ERMP1: variants seen among roughly 807,000 people sequenced by gnomAD.
The protein encoded by ERMP1 is endoplasmic reticulum metallopeptidase 1, also known as Felix-ina.
A neutral mutation model predicts 92.0 loss-of-function variants in ERMP1; 86 were observed. The ratio of observed to expected loss-of-function variants is 0.93; its 90% CI spans 0.79 to 1.12. The LOEUF is 1.12. Among genes scored for constraint, ERMP1 ranks in the 50% most tolerant of loss-of-function variants. The probability of loss-of-function intolerance (pLI) is 0.00; values close to 1 mark genes in which losing one functional copy is unlikely to be tolerated. For synonymous variants in ERMP1, 530 were observed against 412.8 expected (o/e 1.28, Z -3.44); for missense variants, 1,342 against 1,116.3 (o/e 1.20, Z -2.88).
intron 13 of ERMP1, among the ~76,000 whole-genome samples, chr9:5,792,755 T>G (rs556772888): frequency 2.0e-5 from 3 of 152,312 alleles, no homozygotes; most frequent in African/African-American, 7.2e-5. Flanking sequence ...TGCACTACCA[T>G]GAAGCAGTAC....
chr9:5,807,770 G>A (rs1828924519), intron 8 of ERMP1, among the ~76,000 whole-genome samples: 1 of 151,686 alleles, frequency 6.6e-6, no homozygotes, highest in South Asian at 2.1e-4. Flanking sequence ...AAAAAAAACG[G>A]AAACAATTCA....
intron 2 of ERMP1, among the ~76,000 whole-genome samples, chr9:5,829,548 A>C (rs1030658830): frequency 6.6e-6 from 1 of 152,224 alleles, no homozygotes; most frequent in Non-Finnish European, 1.5e-5. Context: ...CGTTTTACTT[A>C]TTTTTAATCC....
chr9:5,846,499 T>C (rs1391244982), intron 6 of ERMP1, among the ~76,000 whole-genome samples: 1 of 152,204 alleles, frequency 6.6e-6, no homozygotes, highest in Non-Finnish European at 1.5e-5. Flanking sequence ...GGGAAGCTGT[T>C]TGTAGCTGCC....
At chr9:5,788,875 G>A (rs540035546) in intron 13 of ERMP1, among the ~76,000 whole-genome samples, 4 of 152,080 alleles carry the variant, frequency 2.6e-5, no homozygotes, top group African/African-American at 9.6e-5. Flanking sequence ...GGAGGAAAAA[G>A]GCAAAATTAC....
At chr9:5,818,408 A>C (rs1237344732) in intron 4 of ERMP1, among the ~76,000 whole-genome samples, 1 of 152,178 alleles carries the variant, frequency 6.6e-6, no homozygotes, top group Non-Finnish European at 1.5e-5. Flanking sequence ...GGTATTTCCA[A>C]TTTTCTACTC....
intron 6 of ERMP1, among the ~76,000 whole-genome samples, chr9:5,850,721 A>G (rs1347999148): frequency 6.6e-6 from 1 of 152,184 alleles, no homozygotes; most frequent in Non-Finnish European, 1.5e-5. Context: ...CAATTGTATA[A>G]TTTTGGAAAA....
chr9:5,791,611 A>AAAACACCTCACAAGC lies in ERMP1; in HGVS notation c.2387-4033_2387-4019dup, dbSNP rs548099455. Among the ~76,000 whole-genome samples the AAAACACCTCACAAGC allele has an allele frequency of 5.7e-3, 868 of 152,298 alleles. 9 individuals are homozygous for AAAACACCTCACAAGC. The highest frequency in any genetic ancestry group is 0.019 in the African/African-American group (788 of 41,556). ...GACCATCCTGGTTTGCTCACTTTTTAAAACACCTCACAAGCAAACAAACTC... is the reference window on the plus strand; with the variant it reads ...GACCATCCTGGTTTGCTCACTTTTTAAAACACCTCACAAGCAAACACCTCACAAGCAAACAAACTC... On this transcript the variant is annotated intron_variant, in intron 13 of 14. Transcript: ENST00000339450.
rs1461431019 is a variant in ERMP1 at position 5,785,167 on chromosome 9, A to G, written c.*1977T>C. 1 of 152,188 alleles carries G rather than the reference A, an allele frequency of 6.6e-6. No individual in the cohort carries two copies. The highest frequency in any genetic ancestry group is 1.5e-5 in the Non-Finnish European group (1 of 68,036). The allele number at this position is 152,188 out of a possible 1,614,324, so 9.4% of individuals were successfully genotyped here. A position where few individuals can be genotyped will look rare whatever the true frequency, so the allele number is the denominator to read the frequency against. ...CATAATGCTAAAGAAAACCAAAACA[A>G]AAGACAATGGTTTACACAGGGAAAT... is the stretch of plus-strand genomic sequence containing the variant. On this transcript the variant is annotated 3_prime_UTR_variant, in exon 15 of 15. Coordinates refer to ENST00000339450, the MANE Select transcript of ERMP1 (RefSeq NM_024896.3).
intron 13 of ERMP1, among the ~76,000 whole-genome samples, chr9:5,793,500 G>A (rs1828288258): frequency 1.3e-5 from 2 of 152,124 alleles, no homozygotes; most frequent in African/African-American, 4.8e-5. Context: ...TTAAAAGACA[G>A]AGCGTCAGGG....
rs1828558296 is a variant in ERMP1 at position 5,798,947 on chromosome 9, C to T, written c.2129G>A (p.Trp710Ter). ...GNAVKRDSGIWINGFDYTGIS... is the reference protein window; with the variant it reads ...GNAVKRDSGI The stretch of plus-strand genomic sequence containing the variant: ...TCCAGTATAATCAAACCCATTGATC[C>T]ATATTCCAGAGTCCCGTTTAACTGC... The change falls in exon 12 of 15, where the codon TGG (tryptophan) becomes TAG (stop). Residue 710 changes from tryptophan (W) to a stop codon, truncating the protein, a stop_gained. Transcript: ENST00000339450. LOFTEE classifies it high-confidence loss of function. The T allele has an allele frequency of 1.2e-6, 2 of 1,613,418 alleles. No individual in the cohort carries two copies. Among genetic ancestry groups the T allele is most frequent in the Admixed American group, 1.7e-5 (1 of 60,012 alleles).
intron 4 of ERMP1, among the ~76,000 whole-genome samples, chr9:5,823,064 C>T (rs1465205631): frequency 2.0e-5 from 3 of 152,098 alleles, no homozygotes; most frequent in Admixed American, 1.3e-4. Context: ...GCAGGAGGAC[C>T]ACTTGAGCCC....
intron 13 of ERMP1, among the ~76,000 whole-genome samples, chr9:5,797,115 ACCT>A (rs1221098999): frequency 6.6e-6 from 1 of 151,648 alleles, no homozygotes; most frequent in Non-Finnish European, 1.5e-5. Context: ...ATCAGCCTTG[ACCT>A]CCTGGGCTCA....
chr9:5,785,642 G>A lies in ERMP1; in HGVS notation c.*1502C>T, dbSNP rs897414600. 1.3e-5 allele frequency: 2 copies of A among 152,808 alleles called. No homozygotes were observed. The highest frequency in any genetic ancestry group is 1.9e-4 in the East Asian group (1 of 5,190). The allele number at this position is 152,808 out of a possible 1,614,324, so 9.5% of individuals were successfully genotyped here. ...TTTAAAAAGCACATCATACACATGA[G>A]ACAAGCAGCTTCAAGGACGTTTTCT... On this transcript the variant is annotated 3_prime_UTR_variant, in exon 15 of 15. Transcript: ENST00000339450.
At chr9:5,802,118 G>C (rs1318184227) in intron 10 of ERMP1, among the ~76,000 whole-genome samples, 1 of 152,174 alleles carries the variant, frequency 6.6e-6, no homozygotes, top group Admixed American at 6.5e-5. Context: ...TAAATATTGT[G>C]AATACTGAGA....
intron 4 of ERMP1, among the ~76,000 whole-genome samples, chr9:5,822,692 T>C (rs917445656): frequency 4.6e-5 from 7 of 152,176 alleles, no homozygotes; most frequent in Admixed American, 1.3e-4. Flanking sequence ...ATAAAATGCA[T>C]TACCCAAATT....
chr9:5,788,323 T>G (rs1198554141), intron 13 of ERMP1, among the ~76,000 whole-genome samples: 1 of 152,102 alleles, frequency 6.6e-6, no homozygotes, highest in African/African-American at 2.4e-5. Context: ...AATACTACTA[T>G]AGTGTCCAGT....
At chr9:5,839,357 G>A (rs534226996) in intron 6 of ERMP1, among the ~76,000 whole-genome samples, 2 of 152,280 alleles carry the variant, frequency 1.3e-5, no homozygotes, top group East Asian at 3.9e-4. Context: ...TCATACAATA[G>A]GAGAAGAACC....
intron 8 of ERMP1, among the ~76,000 whole-genome samples, chr9:5,806,085 C>T (rs991683357): frequency 6.6e-6 from 1 of 152,206 alleles, no homozygotes; most frequent in Non-Finnish European, 1.5e-5. Context: ...AGAAAGGACT[C>T]TCCTAAAAAA....
intron 5 of ERMP1, among the ~76,000 whole-genome samples, chr9:5,866,299 G>C (rs953581046): frequency 1.3e-5 from 2 of 152,076 alleles, no homozygotes; most frequent in Non-Finnish European, 2.9e-5. Flanking sequence ...TATTTCTTCT[G>C]TTTCGGGGAA....
Sources: gnomAD v4.1 joint callset for allele counts (sites outside exome capture counted in the v4.1 genomes callset) on GRCh38, gnomAD v4.1.1 for gene constraint, MANE v1.5 for transcripts, NCBI Gene and HGNC (gene_info 2026-07-23, HGNC 2026-07-21) for gene names.